Variants in MYRIP observed in about 807,000 individuals in gnomAD.
MYRIP encodes the protein myosin VIIA and Rab interacting protein.
A neutral mutation model predicts 98.0 loss-of-function variants in MYRIP; 49 were observed. The observed-to-expected ratio is 0.50, with a 90% CI of 0.40 to 0.63. MYRIP has a LOEUF of 0.63. MYRIP is among the 30% of genes least tolerant of loss of function. The probability of loss-of-function intolerance (pLI) is 0.00; values close to 1 mark genes in which losing one functional copy is unlikely to be tolerated. For synonymous variants in MYRIP, 404 were observed against 409.5 expected, an observed-to-expected ratio of 0.99 and a Z score of 0.16; for missense variants, 1,004 against 1,058.2, an observed-to-expected ratio of 0.95 and a Z score of 0.71.
At chr3:40,099,859 C>T (rs577665466) in intron 3 of MYRIP, among the ~76,000 whole-genome samples, 83 of 152,270 alleles carry the variant, frequency 5.5e-4, no homozygotes, top group African/African-American at 1.9e-3. Context: ...ATTCATGTAA[C>T]ATTTCCCCTA....
rs13323181 is a variant in MYRIP, at chr3:40,154,548, A to T, written c.469+3364A>T. Among the ~76,000 whole-genome samples, 1,314 of 152,200 alleles carry T rather than the reference A, an allele frequency of 8.6e-3. 22 individuals carry two copies. The highest frequency in any genetic ancestry group is 0.03 in the African/African-American group (1,260 of 41,520). On this transcript the variant is annotated intron_variant, in intron 4 of 16. Transcript: ENST00000302541. ...AATAGACCCAGCATGACTTTTTTTT[A>T]AATTTAATTTTATTTTAAGTTCTGG...
intron 1 of MYRIP, among the ~76,000 whole-genome samples, chr3:39,863,688 A>T (rs961536973): frequency 1.7e-4 from 26 of 152,322 alleles, no homozygotes; most frequent in African/African-American, 6.3e-4. Context: ...ACCATCCAGA[A>T]AAAGCTCAGG....
At chr3:40,183,181 C>T (rs1417848531) in intron 9 of MYRIP, among the ~76,000 whole-genome samples, 1 of 152,204 alleles carries the variant, frequency 6.6e-6, no homozygotes, top group African/African-American at 2.4e-5. Flanking sequence ...GAACTGGTCA[C>T]GTGGCCCCAC....
At chr3:39,861,799 C>T (rs372302780) in intron 1 of MYRIP, among the ~76,000 whole-genome samples, 3 of 151,932 alleles carry the variant, frequency 2.0e-5, no homozygotes, top group Admixed American at 1.3e-4. Context: ...AAGGAAAAAA[C>T]AATAAAGAAA....
At chr3:39,881,176 G>A (rs1324777543) in intron 1 of MYRIP, among the ~76,000 whole-genome samples, 1 of 151,808 alleles carries the variant, frequency 6.6e-6, no homozygotes, top group African/African-American at 2.4e-5. Flanking sequence ...GATATCATAG[G>A]ATTGTTTTAG....
intron 8 of MYRIP, among the ~76,000 whole-genome samples, chr3:40,175,654 A>G (rs1950737420): frequency 6.6e-6 from 1 of 152,260 alleles, no homozygotes; most frequent in African/African-American, 2.4e-5. Flanking sequence ...CACATATGGT[A>G]GACAGGGTCA....
At chr3:40,048,905 A>G (rs1486227363) in intron 3 of MYRIP, among the ~76,000 whole-genome samples, 2 of 152,078 alleles carry the variant, frequency 1.3e-5, no homozygotes. Context: ...TCCCTTTGTC[A>G]TTTTTTCATT....
At chr3:40,204,187 T>A (rs1951723572) in intron 10 of MYRIP, among the ~76,000 whole-genome samples, 1 of 57,206 alleles carries the variant, frequency 1.7e-5, no homozygotes, top group East Asian at 4.8e-4. Flanking sequence ...TTATATAATA[T>A]ATAAATATTA....
chr3:39,981,941 C>G (rs547119981), intron 2 of MYRIP, among the ~76,000 whole-genome samples: 2 of 151,486 alleles, frequency 1.3e-5, no homozygotes, highest in Non-Finnish European at 2.9e-5. Flanking sequence ...CACACACACA[C>G]AAAAAAACAA....
At chr3:40,124,836 C>T (rs1057176199) in intron 3 of MYRIP, among the ~76,000 whole-genome samples, 2 of 152,338 alleles carry the variant, frequency 1.3e-5, no homozygotes, top group East Asian at 3.9e-4. Flanking sequence ...TCTTAAGTGG[C>T]TGGCCTTGCA....
At chr3:40,144,692 G>A (rs751557751) in intron 3 of MYRIP, among the ~76,000 whole-genome samples, 1 of 152,288 alleles carries the variant, frequency 6.6e-6, no homozygotes, top group East Asian at 1.9e-4. Flanking sequence ...CTAGAAGCAA[G>A]GCTTTCTGTA....
intron 2 of MYRIP, among the ~76,000 whole-genome samples, chr3:39,906,230 T>C (rs1337199226): frequency 6.6e-6 from 1 of 152,122 alleles, no homozygotes; most frequent in East Asian, 1.9e-4. Flanking sequence ...TTGACATTTC[T>C]GGAAACTTCA....
intron 12 of MYRIP, among the ~76,000 whole-genome samples, chr3:40,236,608 G>A (rs1043850753): frequency 6.6e-6 from 1 of 152,202 alleles, no homozygotes. Context: ...CATGATCACT[G>A]AGTATTTCAG....
intron 10 of MYRIP, among the ~76,000 whole-genome samples, chr3:40,193,326 G>A (rs1459818837): frequency 6.6e-6 from 1 of 152,152 alleles, no homozygotes. Context: ...CTTGCACCAT[G>A]TCCAGACAAT....
At chr3:39,898,219 A>G (rs1943660193) in intron 1 of MYRIP, among the ~76,000 whole-genome samples, 1 of 152,188 alleles carries the variant, frequency 6.6e-6, no homozygotes, top group South Asian at 2.1e-4. Context: ...CACTTGGGCA[A>G]AGTGGACTGA....
At chr3:40,043,274 A>G (rs760132246) in intron 2 of MYRIP, among the ~76,000 whole-genome samples, 3 of 152,202 alleles carry the variant, frequency 2.0e-5, no homozygotes, top group African/African-American at 4.8e-5. Context: ...TAATTTTTCT[A>G]CTGTTCTTTG....
intron 10 of MYRIP, among the ~76,000 whole-genome samples, chr3:40,197,262 C>T (rs116531050): frequency 0.015 from 2,281 of 152,230 alleles, 57 homozygotes; most frequent in African/African-American, 0.05. Flanking sequence ...TCTAATGCCA[C>T]CCCGATCTGA....
At chr3:39,990,756 G>C (rs1946153506) in intron 2 of MYRIP, among the ~76,000 whole-genome samples, 1 of 152,170 alleles carries the variant, frequency 6.6e-6, no homozygotes, top group African/African-American at 2.4e-5. Context: ...TAAGTGCAGG[G>C]CTGCCCTCTA....
chr3:39,825,971 A>G (rs562073732), intron 1 of MYRIP, among the ~76,000 whole-genome samples: 4 of 152,146 alleles, frequency 2.6e-5, no homozygotes, highest in Admixed American at 6.5e-5. Flanking sequence ...ATGGGTATAT[A>G]GTTGTTTATA....
Sources: allele counts gnomAD v4.1 joint callset (sites outside exome capture counted in the v4.1 genomes callset), GRCh38; gene constraint gnomAD v4.1.1; transcripts MANE v1.5; gene names NCBI Gene and HGNC (gene_info 2026-07-23, HGNC 2026-07-21).